Variants in NUP210L observed in about 807,000 individuals in gnomAD.
NUP210L encodes nucleoporin 210 like.
In NUP210L, 74 loss-of-function variants were observed where a neutral mutation model predicts 208.5. That is an observed-to-expected ratio of 0.35 (90% CI 0.29 to 0.43). The LOEUF (loss-of-function observed/expected upper bound fraction) is 0.43, where lower values mean the gene tolerates loss of function less well. NUP210L is among the 20% of genes least tolerant of loss of function. NUP210L has a pLI of 1.00. For missense variants in NUP210L, 1,843 were observed against 2,289.4 expected, an observed-to-expected ratio of 0.81 and a Z score of 3.98; for synonymous variants, 780 against 816.9, an observed-to-expected ratio of 0.95 and a Z score of 0.77.
chr1:154,111,305 C>T (rs550293923), intron 12 of NUP210L, among the ~76,000 whole-genome samples: 2 of 151,478 alleles, frequency 1.3e-5, no homozygotes, highest in South Asian at 4.1e-4. Flanking sequence ...ATCACTTGAA[C>T]CCAGGAGGCA....
At chr1:154,048,626 C>T (rs531771636) in intron 25 of NUP210L, among the ~76,000 whole-genome samples, 4 of 152,308 alleles carry the variant, frequency 2.6e-5, no homozygotes, top group Non-Finnish European at 5.9e-5. Flanking sequence ...TCCCTCACCC[C>T]TGTACAATGT....
chr1:154,066,428 G>A (rs940411987), intron 17 of NUP210L, among the ~76,000 whole-genome samples: 1 of 152,110 alleles, frequency 6.6e-6, no homozygotes, highest in Non-Finnish European at 1.5e-5. Flanking sequence ...TGGCTAACAC[G>A]GTGAAACCCT....
intron 27 of NUP210L, among the ~76,000 whole-genome samples, chr1:154,032,184 T>C (rs561014560): frequency 1.3e-5 from 2 of 152,220 alleles, no homozygotes; most frequent in Non-Finnish European, 2.9e-5. Context: ...GATACCTCCT[T>C]GATATAATGA....
At chr1:154,118,541 G>T in intron 11 of NUP210L, 130 bp downstream of exon 11, 1 of 605,382 alleles carries the variant, frequency 1.7e-6, no homozygotes, top group East Asian at 3.0e-5. Context: ...TATAATTTTG[G>T]TTGTCACCAA....
At chr1:154,082,499 G>C (rs982848061) in intron 16 of NUP210L, among the ~76,000 whole-genome samples, 2 of 152,122 alleles carry the variant, frequency 1.3e-5, no homozygotes, top group Non-Finnish European at 2.9e-5. Context: ...AACAGGTGGA[G>C]ATTCCCAGAG....
At chr1:154,135,461 G>A (rs908218608) in intron 7 of NUP210L, among the ~76,000 whole-genome samples, 1 of 150,154 alleles carries the variant, frequency 6.7e-6, no homozygotes, top group Non-Finnish European at 1.5e-5. Flanking sequence ...TCGCTGTGCC[G>A]CCCAGGTTGG....
At chr1:154,154,093 C>G (rs1162906462) in intron 1 of NUP210L, among the ~76,000 whole-genome samples, 2 of 152,150 alleles carry the variant, frequency 1.3e-5, no homozygotes, top group African/African-American at 4.8e-5. Context: ...AAGTCATTAT[C>G]CCGGAGTTGT....
At chr1:154,074,741 G>A (rs576071996) in intron 16 of NUP210L, among the ~76,000 whole-genome samples, 10 of 152,164 alleles carry the variant, frequency 6.6e-5, no homozygotes, top group Admixed American at 1.3e-4. Flanking sequence ...TACCTGCTTC[G>A]GCCTCCCAAA....
chr1:154,009,176 A>C (rs1650751093), intron 35 of NUP210L, among the ~76,000 whole-genome samples: 1 of 151,892 alleles, frequency 6.6e-6, no homozygotes, highest in South Asian at 2.1e-4. Flanking sequence ...CTCCCAAAGT[A>C]CTGGGATTAC....
intron 12 of NUP210L, among the ~76,000 whole-genome samples, chr1:154,113,275 G>A (rs1657138330): frequency 6.7e-6 from 1 of 148,362 alleles, no homozygotes; most frequent in South Asian, 2.1e-4. Flanking sequence ...ATATATATAT[G>A]TTATTTACTA....
intron 12 of NUP210L, among the ~76,000 whole-genome samples, chr1:154,107,909 G>A (rs940538810): frequency 6.6e-6 from 1 of 151,670 alleles, no homozygotes; most frequent in African/African-American, 2.4e-5. Context: ...GGAGACTAAA[G>A]AAAAAATAAT....
chr1:154,139,954 T>C lies in NUP210L; in HGVS notation c.567-2A>G. ...TCTGCTTCGGAGTATTTAAGAATCCTAAAGACATAAAATAAAATGTGTTTC... is the reference window on the plus strand; with the variant it reads ...TCTGCTTCGGAGTATTTAAGAATCCCAAAGACATAAAATAAAATGTGTTTC... On this transcript the variant is annotated splice_acceptor_variant, in intron 4 of 39. Transcript: ENST00000368559. LOFTEE classifies it high-confidence loss of function. 1 of 1,600,152 alleles carries C rather than the reference T, an allele frequency of 6.2e-7. No individual in the cohort carries two copies. Among genetic ancestry groups the C allele is most frequent in the East Asian group, 2.2e-5 (1 of 44,806 alleles).
At chr1:154,119,653 ATGTAGGACTTGAGTATGCG>A (rs1657510273) in intron 10 of NUP210L, among the ~76,000 whole-genome samples, 1 of 152,178 alleles carries the variant, frequency 6.6e-6, no homozygotes, top group African/African-American at 2.4e-5. Flanking sequence ...ACAGGGCTGA[ATGTAGGACTTGAGTATGCG>A]TGGATTTTGG....
intron 10 of NUP210L, among the ~76,000 whole-genome samples, chr1:154,125,888 C>T (rs1188737506): frequency 6.0e-5 from 9 of 149,046 alleles, no homozygotes; most frequent in Admixed American, 5.4e-4. Flanking sequence ...CTGCCTCAGC[C>T]TCCCAAGTAG....
chr1:154,147,149 T>TA (rs1216019928), intron 2 of NUP210L, among the ~76,000 whole-genome samples: 1 of 152,142 alleles, frequency 6.6e-6, no homozygotes, highest in African/African-American at 2.4e-5. Context: ...ACCTGACAGA[T>TA]ACCACCACCT....
In NUP210L at chr1:154,127,300, G is replaced by C. The variant is rs1658032070; in HGVS notation, c.1185+11C>G. 7.3e-7 allele frequency: 1 copy of C among 1,377,794 alleles called. No homozygotes were observed. The highest frequency in any genetic ancestry group is 1.4e-5 in the African/African-American group (1 of 69,634). 85.3% of individuals were successfully genotyped at this position (1,377,794 alleles called of 1,614,324 possible). A position where few individuals can be genotyped will look rare whatever the true frequency, so the allele number is the denominator to read the frequency against. On this transcript the variant is annotated intron_variant, in intron 9 of 39. Transcript: ENST00000368559. ...ACAAGGAGCTCAGAAAAATAAAAAA[G>C]ACTGACTCACATCTGAAATATAGAC...
At chr1:154,072,106 T>C (rs927901357) in intron 16 of NUP210L, among the ~76,000 whole-genome samples, 3 of 152,122 alleles carry the variant, frequency 2.0e-5, no homozygotes, top group African/African-American at 7.2e-5. Flanking sequence ...AAGTATCTTT[T>C]TCATATAATG....
intron 32 of NUP210L, among the ~76,000 whole-genome samples, chr1:154,020,264 C>T (rs1162740191): frequency 6.6e-6 from 1 of 152,272 alleles, no homozygotes; most frequent in African/African-American, 2.4e-5. Flanking sequence ...GCAGTTCTTA[C>T]TTGGATGTAC....
At chr1:154,005,981 C>G (rs1390033758) in intron 35 of NUP210L, among the ~76,000 whole-genome samples, 1 of 152,004 alleles carries the variant, frequency 6.6e-6, no homozygotes, top group African/African-American at 2.4e-5. Context: ...CTCAGTCTCC[C>G]AAAGTGCTGG....
Sources: allele counts gnomAD v4.1 joint callset (sites outside exome capture counted in the v4.1 genomes callset), GRCh38; gene constraint gnomAD v4.1.1; transcripts MANE v1.5; gene names NCBI Gene and HGNC (gene_info 2026-07-23, HGNC 2026-07-21).